CDH13: variants seen among roughly 807,000 people sequenced by gnomAD.
CDH13 encodes the protein cadherin 13, also known as cadherin-13.
In CDH13, 24 loss-of-function variants were observed where a neutral mutation model predicts 63.8. The ratio of observed to expected loss-of-function variants is 0.38; its 90% CI spans 0.27 to 0.53. CDH13 has a LOEUF of 0.53. Among genes scored for constraint, CDH13 ranks in the 20% least tolerant of loss-of-function variants. CDH13 has a pLI of 0.85. For missense variants in CDH13, 1,049 were observed against 903.1 expected, an observed-to-expected ratio of 1.16 and a Z score of -2.07; for synonymous variants, 503 against 355.3, an observed-to-expected ratio of 1.42 and a Z score of -4.67.
intron 6 of CDH13, among the ~76,000 whole-genome samples, chr16:83,347,146 G>T (rs1271672390): frequency 6.6e-6 from 1 of 152,156 alleles, no homozygotes; most frequent in Non-Finnish European, 1.5e-5. Flanking sequence ...CATTCATGAG[G>T]CCAGTGGGAA....
intron 11 of CDH13, among the ~76,000 whole-genome samples, chr16:83,759,525 GA>G (rs11329987): frequency 0.28 from 40,906 of 148,410 alleles, 7,778 homozygotes; most frequent in African/African-American, 0.55. Context: ...AACCACAAAA[GA>G]AAAAAAAAAG....
intron 4 of CDH13, among the ~76,000 whole-genome samples, chr16:83,153,914 G>T (rs1163512624): frequency 2.0e-5 from 3 of 152,194 alleles, no homozygotes; most frequent in Non-Finnish European, 4.4e-5. Context: ...TGAGAGATGG[G>T]CAGGAGTAGG....
intron 2 of CDH13, among the ~76,000 whole-genome samples, chr16:82,994,647 C>A (rs376307179): frequency 1.7e-4 from 26 of 152,262 alleles, no homozygotes; most frequent in African/African-American, 6.3e-4. Context: ...TAATCAAGTT[C>A]TTTGTAAGGA....
chr16:83,462,105 G>A (rs2073197008), intron 6 of CDH13, among the ~76,000 whole-genome samples: 3 of 152,210 alleles, frequency 2.0e-5, no homozygotes, highest in Non-Finnish European at 4.4e-5. Context: ...GGCCAAGAGG[G>A]AAACATGGGG....
intron 1 of CDH13, among the ~76,000 whole-genome samples, chr16:82,710,309 G>A (rs1251434923): frequency 5.5e-5 from 8 of 144,328 alleles, no homozygotes; most frequent in African/African-American, 2.5e-5. Flanking sequence ...GGAGGCGGGT[G>A]GATCATGAGG....
intron 5 of CDH13, among the ~76,000 whole-genome samples, chr16:83,239,555 A>G (rs1163377649): frequency 1.3e-5 from 2 of 152,008 alleles, no homozygotes; most frequent in African/African-American, 4.8e-5. Flanking sequence ...TTTCTCTAAG[A>G]TTCTGGAGTT....
At chr16:82,741,587 T>C (rs1464212757) in intron 1 of CDH13, among the ~76,000 whole-genome samples, 1 of 152,194 alleles carries the variant, frequency 6.6e-6, no homozygotes, top group Non-Finnish European at 1.5e-5. Context: ...TTCATCTCCA[T>C]GCCTGTAACA....
intron 6 of CDH13, among the ~76,000 whole-genome samples, chr16:83,388,140 G>C (rs78873397): frequency 6.6e-6 from 1 of 151,874 alleles, no homozygotes; most frequent in Non-Finnish European, 1.5e-5. Context: ...GGACTGTGCA[G>C]TGTTTTATAA....
chr16:83,551,363 G>A (rs1247610050), intron 7 of CDH13, among the ~76,000 whole-genome samples: 2 of 74,274 alleles, frequency 2.7e-5, no homozygotes, highest in South Asian at 4.1e-4. Context: ...CACCGCCCCT[G>A]GCTTAATTCT....
chr16:83,204,594 C>T (rs145504618), intron 4 of CDH13, among the ~76,000 whole-genome samples: 6 of 152,184 alleles, frequency 3.9e-5, no homozygotes, highest in African/African-American at 9.7e-5. Flanking sequence ...TATAAGTCCA[C>T]GTTGTCCGTG....
intron 1 of CDH13, among the ~76,000 whole-genome samples, chr16:82,819,587 A>T (rs1241060771): frequency 1.3e-5 from 2 of 152,134 alleles, no homozygotes; most frequent in African/African-American, 4.8e-5. Flanking sequence ...AGGGAGGGCA[A>T]CATGGGAGAC....
At chr16:83,440,396 C>T (rs192970643) in intron 6 of CDH13, among the ~76,000 whole-genome samples, 119 of 152,226 alleles carry the variant, frequency 7.8e-4, no homozygotes, top group African/African-American at 2.7e-3. Flanking sequence ...CCAGAAGACT[C>T]CTTCAGCCTT....
chr16:83,705,597 G>T (rs1383341976), intron 10 of CDH13, among the ~76,000 whole-genome samples: 1 of 152,222 alleles, frequency 6.6e-6, no homozygotes, highest in Non-Finnish European at 1.5e-5. Flanking sequence ...ACTCCAGCGT[G>T]GGGGCCAGAG....
rs936992488 is a variant in CDH13, at chr16:83,748,114, T to G, written c.1545T>G (p.Ser515=). ...TTGTGGGGATTTTTTTCAGGTATTC[T>G]GTTTACAAGGACCCAGCAGGTTGGC... The part of the protein sequence containing the change: ...DSLQHQTIRY[S]VYKDPAGWLN... Residue 515 remains serine, a synonymous_variant, in exon 11 of 14, where the codon TCT becomes TCG. Transcript: ENST00000567109. The G allele has an allele frequency of 1.2e-6, 2 of 1,613,846 alleles. No individual in the cohort carries two copies. The highest frequency in any genetic ancestry group is 1.3e-5 in the African/African-American group (1 of 74,924).
intron 2 of CDH13, among the ~76,000 whole-genome samples, chr16:82,950,837 G>C (rs531619106): frequency 1.0e-4 from 15 of 148,802 alleles, no homozygotes; most frequent in African/African-American, 3.5e-4. Context: ...GTGGTGGTTG[G>C]CGAGGACAGT....
intron 4 of CDH13, among the ~76,000 whole-genome samples, chr16:83,184,906 T>TGTGTGC (rs1225867832): frequency 2.8e-5 from 4 of 144,846 alleles, no homozygotes; most frequent in South Asian, 5.3e-4. Context: ...TGTGTGTGTG[T>TGTGTGC]GCGTGTGTGT....
chr16:83,437,882 T>G (rs2072358519), intron 6 of CDH13, among the ~76,000 whole-genome samples: 1 of 152,160 alleles, frequency 6.6e-6, no homozygotes, highest in African/African-American at 2.4e-5. Context: ...ATTTGTTCCA[T>G]GTCACTCCAA....
At chr16:83,018,673 T>C (rs1334350949) in intron 2 of CDH13, among the ~76,000 whole-genome samples, 1 of 152,238 alleles carries the variant, frequency 6.6e-6, no homozygotes, top group Non-Finnish European at 1.5e-5. Flanking sequence ...AATTTAATCA[T>C]TGTTGGAACA....
intron 6 of CDH13, among the ~76,000 whole-genome samples, chr16:83,441,322 A>C (rs77788218): frequency 1.3e-5 from 2 of 152,220 alleles, no homozygotes; most frequent in East Asian, 3.9e-4. Flanking sequence ...TGACAATTCA[A>C]TTACTTGGGA....
Sources: allele counts gnomAD v4.1 joint callset (sites outside exome capture counted in the v4.1 genomes callset), GRCh38; gene constraint gnomAD v4.1.1; transcripts MANE v1.5; gene names NCBI Gene and HGNC (gene_info 2026-07-23, HGNC 2026-07-21).